Variants in GDPD5 observed in about 807,000 individuals in gnomAD.
GDPD5 encodes the protein glycerophosphodiester phosphodiesterase domain containing 5.
Under a neutral mutation model 75.1 loss-of-function variants are expected in GDPD5, and 48 were observed. The ratio of observed to expected loss-of-function variants is 0.64; its 90% CI spans 0.51 to 0.81. The LOEUF (loss-of-function observed/expected upper bound fraction) is 0.81. Ranked by LOEUF, GDPD5 falls within the 40% of genes least tolerant of loss-of-function variation. GDPD5 has a pLI of 0.00. For synonymous variants in GDPD5, 336 were observed against 339.0 expected, an observed-to-expected ratio of 0.99 and a Z score of 0.10; for missense variants, 706 against 822.6, an observed-to-expected ratio of 0.86 and a Z score of 1.73.
chr11:75,503,462 A>T (rs1464657639), intron 1 of GDPD5, among the ~76,000 whole-genome samples: 1 of 152,246 alleles, frequency 6.6e-6, no homozygotes. Flanking sequence ...CAACTTGTTC[A>T]AGGTCATAGA....
intron 1 of GDPD5, among the ~76,000 whole-genome samples, chr11:75,521,012 C>T (rs1473796137): frequency 6.6e-6 from 1 of 152,246 alleles, no homozygotes; most frequent in Non-Finnish European, 1.5e-5. Flanking sequence ...ATCACAGCTG[C>T]CCGTCATACC....
intron 2 of GDPD5, among the ~76,000 whole-genome samples, chr11:75,484,101 T>C (rs1298677549): frequency 6.6e-6 from 1 of 151,984 alleles, no homozygotes; most frequent in African/African-American, 2.4e-5. Context: ...GGCAGGAGAA[T>C]CACTTGAACC....
At chr11:75,492,209 A>C (rs1950122263) in intron 1 of GDPD5, among the ~76,000 whole-genome samples, 1 of 152,154 alleles carries the variant, frequency 6.6e-6, no homozygotes, top group South Asian at 2.1e-4. Flanking sequence ...AGGCTGGGTG[A>C]GGCAGAATGG....
intron 1 of GDPD5, among the ~76,000 whole-genome samples, chr11:75,497,814 T>C (rs372625088): frequency 6.6e-6 from 1 of 152,192 alleles, no homozygotes; most frequent in Admixed American, 6.5e-5. Flanking sequence ...AGTAAGATGC[T>C]CACTTAACCG....
At chr11:75,448,714 G>A (rs1331522273) in intron 9 of GDPD5, 55 of 1,176,912 alleles carry the variant, frequency 4.7e-5, no homozygotes, top group Non-Finnish European at 5.7e-5. Context: ...CTGGCACCTG[G>A]GTCTAGCCTG....
Position 75,525,916 on chromosome 11 carries a change from A to G in GDPD5, c.-851T>C, listed in dbSNP as rs1194762617. 2.0e-5 allele frequency: 1 copy of G among 48,786 alleles called. No homozygotes were observed. Among genetic ancestry groups the G allele is most frequent in the Non-Finnish European group, 4.3e-5 (1 of 23,246 alleles). The allele number at this position is 48,786 out of a possible 1,614,324, so 3.0% of individuals were successfully genotyped here. On this transcript the variant is annotated 5_prime_UTR_variant, in exon 1 of 17. Transcript: ENST00000336898. ...GCTGTCATCCCCGCCACCCACCCCC[A>G]CCGGAGCCGCAGCCCGAGCTCAGCC...
At position 75,439,914 on chromosome 11, in the gene GDPD5, G is replaced by A; in HGVS notation, c.1521C>T (p.Ser507=). 1.9e-6 allele frequency: 3 copies of A among 1,614,048 alleles called. No individual in the cohort carries two copies. Among genetic ancestry groups the A allele is most frequent in the Non-Finnish European group, 2.5e-6 (3 of 1,179,968 alleles). Residue 507 remains serine (S), a synonymous_variant, in exon 15 of 17, where the codon TCC becomes TCT. Coordinates refer to ENST00000336898, the MANE Select transcript of GDPD5 (RefSeq NM_030792.8). ...CGAAGATGCCCACGATGAGGGTGAA[G>A]GAGACCAGGTCGGCAGTGACCCACA... is the stretch of plus-strand genomic sequence containing the variant. ...CLMWVTADLV[S]FTLIVGIFVL...
chr11:75,449,139 G>C lies in GDPD5; in HGVS notation c.569-17C>G. ...CCTGGGAGGCTGCAGATAAGGGGCC[G>C]TGAGTGCTGCCTGGTGAGCCCTGGG... On this transcript the variant is annotated splice_polypyrimidine_tract_variant and intron_variant, in intron 8 of 16. Transcript: ENST00000336898. The C allele has an allele frequency of 6.4e-7, 1 of 1,562,322 alleles. No homozygotes were observed. Among genetic ancestry groups the C allele is most frequent in the Non-Finnish European group, 8.7e-7 (1 of 1,153,764 alleles).
rs555776537 is a variant in GDPD5, at chr11:75,465,253, G to A, written c.118-2364C>T. 8.5e-5 allele frequency among the ~76,000 whole-genome samples: 13 copies of A among 152,286 alleles called. No homozygotes were observed. In the East Asian group the frequency reaches 2.5e-3, roughly 29 times the overall value. On this transcript the variant is annotated intron_variant, in intron 3 of 16. Coordinates refer to ENST00000336898, the MANE Select transcript of GDPD5 (RefSeq NM_030792.8). ...TGCCCCATGCACAGAATTACATACG[G>A]TTCCCCAAACAGGCTCTTCAGACCC...
chr11:75,494,269 G>A (rs1330623513), intron 1 of GDPD5, among the ~76,000 whole-genome samples: 1 of 148,190 alleles, frequency 6.7e-6, no homozygotes, highest in African/African-American at 2.5e-5. Flanking sequence ...GAAGGCTGGA[G>A]TGCAGTGGTA....
chr11:75,454,098 A>G (rs1272580429), intron 6 of GDPD5, among the ~76,000 whole-genome samples: 1 of 152,226 alleles, frequency 6.6e-6, no homozygotes. Flanking sequence ...ATGACAAACT[A>G]GGAAGAATTA....
At chr11:75,502,112 T>C (rs1418171026) in intron 1 of GDPD5, among the ~76,000 whole-genome samples, 4 of 152,146 alleles carry the variant, frequency 2.6e-5, no homozygotes, top group Non-Finnish European at 5.9e-5. Context: ...CCTACAGGAT[T>C]AAGTACAAAC....
intron 2 of GDPD5, among the ~76,000 whole-genome samples, chr11:75,486,658 G>GC (rs1421010534): frequency 1.3e-5 from 2 of 152,086 alleles, no homozygotes; most frequent in Admixed American, 6.5e-5. Context: ...TAGCCCTGCA[G>GC]CCCCTCCACC....
intron 2 of GDPD5, among the ~76,000 whole-genome samples, chr11:75,483,997 G>A (rs1296368560): frequency 6.6e-6 from 1 of 152,152 alleles, no homozygotes; most frequent in Non-Finnish European, 1.5e-5. Context: ...GACCAGCCTG[G>A]CCAACATGGT....
chr11:75,469,932 T>G (rs964338784), intron 3 of GDPD5, among the ~76,000 whole-genome samples: 1 of 152,192 alleles, frequency 6.6e-6, no homozygotes, highest in Non-Finnish European at 1.5e-5. Context: ...GTACACGTGT[T>G]GAGCCCTTAG....
Position 75,456,840 on chromosome 11 carries a change from T to C in GDPD5, c.316-24A>G, listed in dbSNP as rs138458721. On this transcript the variant is annotated intron_variant, in intron 5 of 16. Transcript: ENST00000336898. ...ACCTGAGGAGGGACCCACAGGGTGA[T>C]TGTCAGGCCCGTGTGGGCGGGAAGG... 496 of 1,612,842 alleles carry C rather than the reference T, an allele frequency of 3.1e-4. No individual in the cohort carries two copies. The African/African-American group carries it at 5.7e-3, about 19-fold the overall frequency.
intron 5 of GDPD5, among the ~76,000 whole-genome samples, 194 bp downstream of exon 5, chr11:75,457,499 A>G (rs372619887): frequency 6.6e-6 from 1 of 152,282 alleles, no homozygotes; most frequent in Admixed American, 6.5e-5. Context: ...AAATTAAGAT[A>G]AAAATGAAAA....
At chr11:75,484,510 TCCCAAA>T (rs1375050006) in intron 2 of GDPD5, among the ~76,000 whole-genome samples, 1 of 152,216 alleles carries the variant, frequency 6.6e-6, no homozygotes, top group Non-Finnish European at 1.5e-5. Flanking sequence ...TTGTTTGCAA[TCCCAAA>T]CCTTGATTGG....
intron 1 of GDPD5, among the ~76,000 whole-genome samples, chr11:75,502,564 C>T (rs939017392): frequency 6.6e-6 from 1 of 152,188 alleles, no homozygotes; most frequent in African/African-American, 2.4e-5. Context: ...GCAATGTCTC[C>T]CATCCTACAC....
Sources: gnomAD v4.1 joint callset for allele counts (sites outside exome capture counted in the v4.1 genomes callset) on GRCh38, gnomAD v4.1.1 for gene constraint, MANE v1.5 for transcripts, NCBI Gene and HGNC (gene_info 2026-07-23, HGNC 2026-07-21) for gene names.